The following UBE3C variants were observed in gnomAD, a reference collection of about 807,000 sequenced individuals.
The protein encoded by UBE3C is ubiquitin protein ligase E3C, also known as ubiquitin-protein ligase E3C.
Under a neutral mutation model 129.4 loss-of-function variants are expected in UBE3C, and 42 were observed. The ratio of observed to expected loss-of-function variants is 0.32; its 90% CI spans 0.25 to 0.42. UBE3C has a LOEUF of 0.42. Among genes scored for constraint, UBE3C ranks in the 10% least tolerant of loss-of-function variants. The probability of loss-of-function intolerance (pLI) is 1.00; values close to 1 mark genes in which losing one functional copy is unlikely to be tolerated. For synonymous variants in UBE3C, 510 were observed against 492.4 expected, an observed-to-expected ratio of 1.04 and a Z score of -0.47; for missense variants, 1,049 against 1,319.1, an observed-to-expected ratio of 0.80 and a Z score of 3.17.
intron 17 of UBE3C, among the ~76,000 whole-genome samples, chr7:157,230,152 C>T (rs371980545): frequency 5.9e-5 from 9 of 151,866 alleles, no homozygotes; most frequent in Admixed American, 5.3e-4. Flanking sequence ...CAAGGCGATC[C>T]GCCCACCTCA....
intron 18 of UBE3C, among the ~76,000 whole-genome samples, chr7:157,247,536 A>T (rs1021538030): frequency 4.6e-5 from 7 of 152,192 alleles, no homozygotes; most frequent in Admixed American, 6.5e-5. Context: ...TACTAAATAT[A>T]CAAAAATTAG....
chr7:157,181,424 T>A, intron 6 of UBE3C, 94 bp from the exon 7 acceptor site: 1 of 1,131,652 alleles, frequency 8.8e-7, no homozygotes, highest in Non-Finnish European at 1.2e-6. Flanking sequence ...AGTTTGGACC[T>A]GTAGAGATGG....
At chr7:157,152,472 G>A (rs1807783933) in intron 1 of UBE3C, among the ~76,000 whole-genome samples, 1 of 152,186 alleles carries the variant, frequency 6.6e-6, no homozygotes, top group African/African-American at 2.4e-5. Context: ...CCTAAAACCT[G>A]CAGTGGGCAT....
At position 157,231,191 on chromosome 7, in the gene UBE3C, A is replaced by G. The variant is rs754740060; in HGVS notation, c.2345A>G (p.Lys782Arg). The G allele has an allele frequency of 5.0e-6, 8 of 1,614,046 alleles. No homozygotes were observed. The Admixed American group carries it at 1.3e-4, about 27-fold the overall frequency. Residue 782 changes from lysine to arginine, a missense_variant, in exon 18 of 23, where the codon AAG (lysine) becomes AGG (arginine). Around this residue, in one of 4 missense-constraint regions of UBE3C, gnomAD observed 3 missense variants for 19.6 expected, o/e 0.15. Transcript: ENST00000348165. ...AGAGAGTTTTTAAATGAACTACTGA[A>G]GTCAGGATTTAACCCCAACCAGGGG... ...IFREFLNELL[K>R]SGFNPNQGFF... is the part of the protein sequence containing the mutation.
intron 2 of UBE3C, among the ~76,000 whole-genome samples, chr7:157,168,056 T>C (rs569534642): frequency 6.6e-6 from 1 of 151,990 alleles, no homozygotes; most frequent in South Asian, 2.1e-4. Flanking sequence ...TTTAAAACTT[T>C]AAAAAGTCCT....
chr7:157,192,335 C>A (rs953801100), intron 10 of UBE3C: 4 of 560,334 alleles, frequency 7.1e-6, no homozygotes, highest in East Asian at 7.3e-5. Flanking sequence ...GCTTCCTTTT[C>A]GATCCGCCAT....
At chr7:157,199,292 T>C (rs1026154060) in intron 10 of UBE3C, among the ~76,000 whole-genome samples, 2 of 152,172 alleles carry the variant, frequency 1.3e-5, no homozygotes, top group African/African-American at 4.8e-5. Flanking sequence ...GTATGACTGT[T>C]GCGTATTCTT....
chr7:157,192,555 G>GAGCTC (rs1808999055), intron 10 of UBE3C: 1 of 765,116 alleles, frequency 1.3e-6, no homozygotes, highest in East Asian at 2.4e-5. Context: ...CATTCAAAAG[G>GAGCTC]AGCTTACTCT....
intron 22 of UBE3C, among the ~76,000 whole-genome samples, chr7:157,265,848 T>G (rs1797063407): frequency 6.6e-6 from 1 of 152,236 alleles, no homozygotes. Context: ...ACACTGTACC[T>G]TTAAATACCA....
intron 2 of UBE3C, among the ~76,000 whole-genome samples, chr7:157,166,738 A>C (rs1808225814): frequency 1.3e-5 from 2 of 152,094 alleles, no homozygotes; most frequent in Non-Finnish European, 2.9e-5. Context: ...GTCTCAAAAA[A>C]AAAAAAAAAA....
intron 17 of UBE3C, among the ~76,000 whole-genome samples, chr7:157,226,466 G>T (rs1431645650): frequency 6.6e-6 from 1 of 152,076 alleles, no homozygotes; most frequent in East Asian, 1.9e-4. Flanking sequence ...AATGCCGAGG[G>T]GATTAAAATG....
intron 1 of UBE3C, among the ~76,000 whole-genome samples, chr7:157,142,405 G>A (rs1807479141): frequency 6.6e-6 from 1 of 152,128 alleles, no homozygotes; most frequent in Admixed American, 6.5e-5. Context: ...ATCTTGTTGG[G>A]CAGATAAGAC....
rs774265672 is a variant in UBE3C at position 157,139,305 on chromosome 7, G to A, written c.33G>A (p.Arg11=). ...GCTTCGAAGGCGACTTCAAGACGCG[G>A]CCCAAGGTGTCCCTTGGCGGCGCGA... MFSFEGDFKT[R]PKVSLGGASR... Residue 11 remains arginine, a synonymous_variant, in exon 1 of 23, where the codon CGG becomes CGA. Coordinates refer to ENST00000348165, the MANE Select transcript of UBE3C (RefSeq NM_014671.3). The A allele has an allele frequency of 2.5e-6, 4 of 1,584,076 alleles. No individual in the cohort carries two copies. The highest frequency in any genetic ancestry group is 2.3e-5 in the South Asian group (2 of 88,552).
chr7:157,228,940 G>A (rs1795948883), intron 17 of UBE3C, among the ~76,000 whole-genome samples: 1 of 152,182 alleles, frequency 6.6e-6, no homozygotes, highest in African/African-American at 2.4e-5. Flanking sequence ...ATTGCATGGA[G>A]GCTCTATCAA....
chr7:157,149,116 G>T (rs186087888), intron 1 of UBE3C, among the ~76,000 whole-genome samples: 7 of 152,090 alleles, frequency 4.6e-5, no homozygotes, highest in Admixed American at 3.3e-4. Context: ...GAGTGCAATG[G>T]CTCAATCTCG....
At chr7:157,246,373 C>G (rs1305730777) in intron 18 of UBE3C, among the ~76,000 whole-genome samples, 4 of 152,212 alleles carry the variant, frequency 2.6e-5, no homozygotes, top group Non-Finnish European at 5.9e-5. Context: ...ACAGTCCCGG[C>G]TCTCTGGAAG....
Position 157,267,948 on chromosome 7 carries a change from T to C in UBE3C, c.*193T>C, listed in dbSNP as rs1584837735. 1.1e-4 allele frequency: 51 copies of C among 481,636 alleles called. No homozygotes were observed. In the East Asian group the frequency reaches 1.8e-3, roughly 17 times the overall value. The allele number at this position is 481,636 out of a possible 1,614,324, so 29.8% of individuals were successfully genotyped here. A position where few individuals can be genotyped will look rare whatever the true frequency, so the allele number is the denominator to read the frequency against. On this transcript the variant is annotated 3_prime_UTR_variant, in exon 23 of 23. Coordinates refer to ENST00000348165, the MANE Select transcript of UBE3C (RefSeq NM_014671.3). Reference sequence around the variant, plus strand: ...GTGTGGTCACTTATTTAGATGGACATTGCTTTTCAAATAACTTAAAATAAC... The same window carrying C: ...GTGTGGTCACTTATTTAGATGGACACTGCTTTTCAAATAACTTAAAATAAC...
intron 17 of UBE3C, among the ~76,000 whole-genome samples, chr7:157,229,552 G>A (rs944893811): frequency 1.3e-5 from 2 of 152,084 alleles, no homozygotes; most frequent in South Asian, 2.1e-4. Flanking sequence ...CCTGCCCTCA[G>A]GTGACCCACC....
chr7:157,168,746 A>G (rs1037079225), intron 2 of UBE3C, among the ~76,000 whole-genome samples: 1 of 152,238 alleles, frequency 6.6e-6, no homozygotes, highest in Non-Finnish European at 1.5e-5. Context: ...AAGCACATCC[A>G]TAAGATAGAA....
Sources: gnomAD v4.1 joint callset for allele counts (sites outside exome capture counted in the v4.1 genomes callset) on GRCh38, gnomAD v4.1.1 for gene constraint, gnomAD v4.1.1 regional missense constraint, MANE v1.5 for transcripts, NCBI Gene and HGNC (gene_info 2026-07-23, HGNC 2026-07-21) for gene names.